The following GATB variants were observed in gnomAD, a reference collection of about 807,000 sequenced individuals.
GATB encodes the protein glutamyl-tRNA amidotransferase subunit B, also known as glutamyl-tRNA(Gln) amidotransferase subunit B, mitochondrial.
GATB carries 39 observed loss-of-function variants against 62.3 expected under a neutral mutation model. That is an observed-to-expected ratio of 0.63 (90% CI 0.48 to 0.82). The LOEUF is 0.82. Ranked by LOEUF, GATB falls within the 40% of genes least tolerant of loss-of-function variation. The pLI is 0.00. For synonymous variants in GATB, 276 were observed against 258.9 expected, an observed-to-expected ratio of 1.07 and a Z score of -0.63; for missense variants, 670 against 684.0, an observed-to-expected ratio of 0.98 and a Z score of 0.23.
Position 151,760,361 on chromosome 4 carries a change from C to G in GATB, c.176+446G>C, listed in dbSNP as rs137959991. 1.8e-3 allele frequency among the ~76,000 whole-genome samples: 281 copies of G among 152,268 alleles called. 1 individual carries two copies. The highest frequency in any genetic ancestry group is 6.7e-3 in the African/African-American group (277 of 41,554). On this transcript the variant is annotated intron_variant, in intron 1 of 12. Coordinates refer to ENST00000263985, the MANE Select transcript of GATB (RefSeq NM_004564.3). Reference sequence around the variant, plus strand: ...CGCCTGCACAGATAGCTAGTGTTTTCTGACTAATGACAATAACCCACCACT... The same window carrying G: ...CGCCTGCACAGATAGCTAGTGTTTTGTGACTAATGACAATAACCCACCACT...
At chr4:151,754,477 A>G (rs950842950) in intron 2 of GATB, among the ~76,000 whole-genome samples, 1 of 152,176 alleles carries the variant, frequency 6.6e-6, no homozygotes, top group African/African-American at 2.4e-5. Flanking sequence ...GGCAACACCC[A>G]TATCTATCGT....
chr4:151,719,203 T>C (rs762958692), intron 3 of GATB, among the ~76,000 whole-genome samples: 2 of 152,124 alleles, frequency 1.3e-5, no homozygotes, highest in Non-Finnish European at 2.9e-5. Flanking sequence ...ACCAGAAGCA[T>C]GAGGTAAGCA....
In GATB at chr4:151,719,243, G is replaced by A. The variant is rs111732060; in HGVS notation, c.441+182C>T. ...GTCAGCAATCAGGACAACTGCATCC[G>A]ATCTAGTAACCATCAGGGGCACCTG... On this transcript the variant is annotated intron_variant, in intron 3 of 12. Coordinates refer to ENST00000263985, the MANE Select transcript of GATB (RefSeq NM_004564.3). Among the ~76,000 whole-genome samples the A allele has an allele frequency of 6.6e-5, 10 of 152,298 alleles. 1 individual carries two copies. Among genetic ancestry groups the A allele is most frequent in the East Asian group, 1.9e-4 (1 of 5,184 alleles).
chr4:151,670,886 A>AG lies in GATB; in HGVS notation c.*287_*288insC. 3.1e-6 allele frequency: 1 copy of AG among 323,182 alleles called. No homozygotes were observed. The highest frequency in any genetic ancestry group is 2.1e-5 in the African/African-American group (1 of 48,578). The allele number at this position is 323,182 out of a possible 1,614,324, so 20.0% of individuals were successfully genotyped here. ...CAACATACATTTTATTTAGTTTAAA[A>AG]TTCCTTAATACAAGAAGGTGTTACT... On this transcript the variant is annotated 3_prime_UTR_variant, in exon 13 of 13. Transcript: ENST00000263985.
chr4:151,722,612 C>T (rs1163433706), intron 2 of GATB: 1 of 178,802 alleles, frequency 5.6e-6, no homozygotes, highest in Admixed American at 6.1e-5. Flanking sequence ...GTCACCACTT[C>T]TGTGAAGCCT....
At chr4:151,724,991 A>C (rs982717599) in intron 2 of GATB, among the ~76,000 whole-genome samples, 7 of 152,180 alleles carry the variant, frequency 4.6e-5, no homozygotes, top group Non-Finnish European at 1.0e-4. Flanking sequence ...AAAGGAAACC[A>C]CTCTTTTAAC....
Position 151,701,319 on chromosome 4 carries a change from C to G in GATB, c.1197+10G>C. ...AGCCGGGATCCTCTTGGCATCCGAT[C>G]GATACCTACCAGCAAAGTGAAGCTG... is the stretch of plus-strand genomic sequence containing the variant. On this transcript the variant is annotated intron_variant, in intron 9 of 12. Coordinates refer to ENST00000263985, the MANE Select transcript of GATB (RefSeq NM_004564.3). 1.3e-6 allele frequency: 2 copies of G among 1,513,918 alleles called. No homozygotes were observed. The highest frequency in any genetic ancestry group is 1.4e-5 in the African/African-American group (1 of 71,992). 93.8% of individuals were successfully genotyped at this position (1,513,918 alleles called of 1,614,324 possible).
chr4:151,679,309 G>GT (rs1560840579), intron 11 of GATB, among the ~76,000 whole-genome samples: 3 of 152,208 alleles, frequency 2.0e-5, no homozygotes, highest in Admixed American at 2.0e-4. Flanking sequence ...ATTTTTCTGA[G>GT]TTTTCACACA....
intron 2 of GATB, chr4:151,720,205 G>A (rs1184465500): frequency 6.6e-6 from 1 of 152,232 alleles, no homozygotes; most frequent in East Asian, 1.9e-4. Flanking sequence ...AGGAGTGAAT[G>A]ACCAAGAAAT....
intron 9 of GATB, among the ~76,000 whole-genome samples, chr4:151,689,576 G>A (rs1738321014): frequency 6.6e-6 from 1 of 152,152 alleles, no homozygotes; most frequent in East Asian, 1.9e-4. Flanking sequence ...CTACAGCTAA[G>A]TCCATGCTGG....
At position 151,688,755 on chromosome 4, in the gene GATB, G is replaced by A. The variant is rs376818767; in HGVS notation, c.1206C>T (p.Val402=). 8.3e-6 allele frequency: 13 copies of A among 1,563,860 alleles called. No homozygotes were observed. Among genetic ancestry groups the A allele is most frequent in the Middle Eastern group, 1.7e-4 (1 of 5,868 alleles). The change falls in exon 10 of 13, where the codon GTC becomes GTT. Residue 402 remains valine (V), a synonymous_variant. Coordinates refer to ENST00000263985, the MANE Select transcript of GATB (RefSeq NM_004564.3). ...CATTTTGGAAGAACTCCAGTAGGCC[G>A]ACTTCGTTCTGTTAAAAAAAAAAAA... ...LEHSFTLLNE[V]GLLEFFQNVI... is the part of the protein sequence containing the mutation.
intron 2 of GATB, chr4:151,722,105 A>G: frequency 3.0e-6 from 2 of 670,768 alleles, no homozygotes; most frequent in South Asian, 1.6e-5. Context: ...CAAGAAAAAA[A>G]GGAATTTCCT....
intron 9 of GATB, among the ~76,000 whole-genome samples, chr4:151,698,777 A>T (rs924656003): frequency 6.6e-6 from 1 of 152,202 alleles, no homozygotes; most frequent in African/African-American, 2.4e-5. Flanking sequence ...CTTTAAAGGA[A>T]AAATACTAAT....
intron 2 of GATB, among the ~76,000 whole-genome samples, chr4:151,750,528 C>T (rs1341687834): frequency 6.6e-6 from 1 of 152,086 alleles, no homozygotes; most frequent in Non-Finnish European, 1.5e-5. Context: ...TGGCCCATTC[C>T]ATTTCTGAGA....
chr4:151,683,069 C>CG (rs1259387708), intron 10 of GATB, among the ~76,000 whole-genome samples: 2 of 152,194 alleles, frequency 1.3e-5, no homozygotes, highest in Non-Finnish European at 2.9e-5. Context: ...CTCCTCCGAA[C>CG]CAAAGATGCT....
At chr4:151,728,830 A>G (rs1739188567) in intron 2 of GATB, among the ~76,000 whole-genome samples, 1 of 152,224 alleles carries the variant, frequency 6.6e-6, no homozygotes, top group African/African-American at 2.4e-5. Context: ...GCTAAGAAAC[A>G]AAACAACTGT....
intron 11 of GATB, 115 bp downstream of exon 11, chr4:151,679,698 T>C: frequency 1.2e-6 from 1 of 857,374 alleles, no homozygotes; most frequent in African/African-American, 1.7e-5. Context: ...AAAACACCAC[T>C]ACTGGCATTT....
In GATB at chr4:151,730,046, T is replaced by G. The variant is rs1739212670; in HGVS notation, c.328-10508A>C. On this transcript the variant is annotated intron_variant, in intron 2 of 12. Transcript: ENST00000263985. This position sits in a 1 kb window ranked among gnomAD's most constrained non-coding sequence, Gnocchi z 4.1. ...GGAAGTGGAAAGCCTCAGGCAAGTT[T>G]TCAAGCCCCACCTGCCCTCTGCCTG... 6.6e-6 allele frequency among the ~76,000 whole-genome samples: 1 copy of G among 152,160 alleles called. No homozygotes were observed. The highest frequency in any genetic ancestry group is 1.5e-5 in the Non-Finnish European group (1 of 68,020).
intron 2 of GATB, among the ~76,000 whole-genome samples, chr4:151,731,348 C>T (rs1054108698): frequency 6.6e-6 from 1 of 152,228 alleles, no homozygotes; most frequent in Non-Finnish European, 1.5e-5. Context: ...AGCTCCTAAT[C>T]ACAAGTGATC....
Sources: allele counts gnomAD v4.1 joint callset (sites outside exome capture counted in the v4.1 genomes callset), GRCh38; gene constraint gnomAD v4.1.1; non-coding constraint Gnocchi (gnomAD v3.1); transcripts MANE v1.5; gene names NCBI Gene and HGNC (gene_info 2026-07-23, HGNC 2026-07-21).